The following ABCC9 variants were observed in gnomAD, a reference collection of about 807,000 sequenced individuals.
The protein encoded by ABCC9 is ATP binding cassette subfamily C member 9.
A neutral mutation model predicts 188.3 loss-of-function variants in ABCC9; 95 were observed. The observed-to-expected ratio is 0.50, with a 90% CI of 0.43 to 0.60. ABCC9 has a LOEUF of 0.60. Among genes scored for constraint, ABCC9 ranks in the 20% least tolerant of loss-of-function variants. The pLI, the probability that ABCC9 is intolerant of heterozygous loss-of-function variation, is 0.00. For synonymous variants in ABCC9, 659 were observed against 652.7 expected, an observed-to-expected ratio of 1.01 and a Z score of -0.15; for missense variants, 1,102 against 1,876.3, an observed-to-expected ratio of 0.59 and a Z score of 7.62.
At chr12:21,810,027 T>A (rs1404461904) in intron 36 of ABCC9, 72 bp from the exon 37 acceptor site, 1 of 930,858 alleles carries the variant, frequency 1.1e-6, no homozygotes, top group Non-Finnish European at 1.7e-6. Context: ...TGCTTATTGC[T>A]TTTCTTTCCT....
At chr12:21,842,712 A>C (rs1944457803) in intron 28 of ABCC9, among the ~76,000 whole-genome samples, 1 of 152,246 alleles carries the variant, frequency 6.6e-6, no homozygotes, top group East Asian at 1.9e-4. Flanking sequence ...GTTTTATGTA[A>C]ATGACACTGT....
rs1296631537 is a variant in ABCC9 at position 21,860,286 on chromosome 12, A to G, written c.2425-620T>C. Among the ~76,000 whole-genome samples, 7 of 152,342 alleles carry G rather than the reference A, an allele frequency of 4.6e-5. No individual in the cohort carries two copies. In the South Asian group the frequency reaches 1.4e-3, roughly 32 times the overall value. On this transcript the variant is annotated intron_variant, in intron 21 of 39. Transcript: ENST00000261200. ...ACACTGCGGTATGTAGCAAAAAAGA[A>G]CAGCCATTAAGAACAAAGGCCACAG...
At chr12:21,809,431 A>G (rs1942077641) in intron 37 of ABCC9, among the ~76,000 whole-genome samples, 1 of 152,188 alleles carries the variant, frequency 6.6e-6, no homozygotes, top group South Asian at 2.1e-4. Flanking sequence ...AATGGCTACT[A>G]ATGGGGCAAA....
At chr12:21,928,179 G>A (rs1238816331) in intron 4 of ABCC9, among the ~76,000 whole-genome samples, 2 of 150,002 alleles carry the variant, frequency 1.3e-5, no homozygotes, top group South Asian at 4.3e-4. Flanking sequence ...GAGATCACGC[G>A]GCTGCACTCC....
At chr12:21,894,680 G>A (rs1208900593) in intron 13 of ABCC9, among the ~76,000 whole-genome samples, 1 of 151,960 alleles carries the variant, frequency 6.6e-6, no homozygotes, top group Admixed American at 6.6e-5. Flanking sequence ...CGTGATCATG[G>A]CTCACTGCAG....
chr12:21,901,525 T>C (rs1947749881), intron 12 of ABCC9, among the ~76,000 whole-genome samples: 2 of 151,762 alleles, frequency 1.3e-5, no homozygotes, highest in Admixed American at 6.6e-5. Flanking sequence ...GGATAAAGAG[T>C]CATGACCCAT....
intron 14 of ABCC9, among the ~76,000 whole-genome samples, chr12:21,892,227 T>C (rs1237058597): frequency 1.3e-5 from 2 of 152,098 alleles, no homozygotes; most frequent in Admixed American, 1.3e-4. Context: ...CACGGAATTG[T>C]ATACCATGGA....
rs780071007 is a variant in ABCC9, at chr12:21,882,793, G to A, written c.1992C>T (p.Pro664=). 6.8e-6 allele frequency: 11 copies of A among 1,613,514 alleles called. No homozygotes were observed. The highest frequency in any genetic ancestry group is 2.2e-5 in the East Asian group (1 of 44,868). Residue 664 remains proline (P), a synonymous_variant, in exon 16 of 40, where the codon CCC becomes CCT. Transcript: ENST00000261200. ...TTATTGCAATGTCCTCTGTTTCTGCGGGACGTAGACGCCGTGTTGATTGCT... is the reference window on the plus strand; with the variant it reads ...TTATTGCAATGTCCTCTGTTTCTGCAGGACGTAGACGCCGTGTTGATTGCT... ...SYEQSTRRLR[P]AETEDIAIKV...
intron 18 of ABCC9, chr12:21,869,601 G>C (rs1334219338): frequency 1.3e-5 from 2 of 152,134 alleles, no homozygotes; most frequent in Non-Finnish European, 2.9e-5. Flanking sequence ...GCTTGCACCT[G>C]CATCAGTCAG....
intron 31 of ABCC9, among the ~76,000 whole-genome samples, chr12:21,826,730 T>C (rs934858146): frequency 2.0e-5 from 3 of 152,208 alleles, no homozygotes; most frequent in Non-Finnish European, 2.9e-5. Flanking sequence ...ATAAATACAA[T>C]GGATGGAGGC....
At chr12:21,842,653 C>T (rs1295437012) in intron 28 of ABCC9, among the ~76,000 whole-genome samples, 182 bp from the exon 29 acceptor site, 1 of 152,210 alleles carries the variant, frequency 6.6e-6, no homozygotes, top group Non-Finnish European at 1.5e-5. Context: ...GTCTATTTAT[C>T]TATCAACATG....
chr12:21,863,155 T>C, intron 19 of ABCC9, 101 bp from the exon 20 acceptor site: 1 of 783,860 alleles, frequency 1.3e-6, no homozygotes, highest in Admixed American at 2.6e-5. Context: ...TAGTAAACTA[T>C]CTCAGATACA....
At chr12:21,862,195 G>A (rs980587118) in intron 20 of ABCC9, among the ~76,000 whole-genome samples, 1 of 151,746 alleles carries the variant, frequency 6.6e-6, no homozygotes, top group African/African-American at 2.4e-5. Context: ...TATTCCAACT[G>A]ACTCCTAAAT....
rs375758521 is a variant in ABCC9, at chr12:21,910,939, C to A, written c.1051G>T (p.Ala351Ser). ...TLSSKEFLEN[A>S]YVLAVLLFLA... ...AAGAGAAGAACTGCTAGAACGTAAG[C>A]GTTTTCAAGAAATTCCTTTGATGAG... is the stretch of plus-strand genomic sequence containing the variant. Residue 351 changes from alanine (A) to serine (S), a missense_variant, in exon 9 of 40, where the codon GCT becomes TCT. Ala to Ser is a moderately conservative substitution (Grantham distance 99). Coordinates refer to ENST00000261200, the MANE Select transcript of ABCC9 (RefSeq NM_020297.4). The A allele has an allele frequency of 5.0e-6, 8 of 1,612,098 alleles. No individual in the cohort carries two copies. In the African/African-American group the frequency reaches 1.1e-4, roughly 22 times the overall value.
chr12:21,933,928 A>G lies in ABCC9; in HGVS notation c.143-5T>C, dbSNP rs567252194. ...TTGAGCTTTGGCTCCCCCACCCTGGAAAAGAGAGAAAAGTTAAAAACAAAA... is the reference window on the plus strand; with the variant it reads ...TTGAGCTTTGGCTCCCCCACCCTGGGAAAGAGAGAAAAGTTAAAAACAAAA... On this transcript the variant is annotated splice_polypyrimidine_tract_variant and splice_region_variant and intron_variant, in intron 3 of 39. Transcript: ENST00000261200. The G allele has an allele frequency of 1.9e-6, 3 of 1,613,370 alleles. No homozygotes were observed. The highest frequency in any genetic ancestry group is 2.7e-5 in the African/African-American group (2 of 74,994).
intron 18 of ABCC9, among the ~76,000 whole-genome samples, chr12:21,869,277 C>T (rs1945942484): frequency 6.6e-6 from 1 of 152,168 alleles, no homozygotes; most frequent in African/African-American, 2.4e-5. Context: ...TGCTGGCTGA[C>T]TCCAAAGTAT....
At position 21,907,734 on chromosome 12, in the gene ABCC9, T is replaced by G. The variant is rs79632053; in HGVS notation, c.1455+343A>C. On this transcript the variant is annotated intron_variant, in intron 11 of 39. Coordinates refer to ENST00000261200, the MANE Select transcript of ABCC9 (RefSeq NM_020297.4). The stretch of plus-strand genomic sequence containing the variant: ...CCCTTCACTTGCACCTTGATCCATT[T>G]CTTGCATGTCAATAACTGACGTTCA... Among the ~76,000 whole-genome samples, 714 of 152,156 alleles carry G rather than the reference T, an allele frequency of 4.7e-3. 9 individuals carry two copies. The highest frequency in any genetic ancestry group is 0.016 in the African/African-American group (678 of 41,536).
In ABCC9 at chr12:21,825,559, C is replaced by T. The variant is rs550036576; in HGVS notation, c.3669+3399G>A. Among the ~76,000 whole-genome samples, 8 of 151,692 alleles carry T rather than the reference C, an allele frequency of 5.3e-5. No individual in the cohort carries two copies. The South Asian group carries it at 1.5e-3, about 28-fold the overall frequency. On this transcript the variant is annotated intron_variant, in intron 31 of 39. Coordinates refer to ENST00000261200, the MANE Select transcript of ABCC9 (RefSeq NM_020297.4). ...AACACAGGAACAGAAAACCAAACAT[C>T]GCATGTTCTCACTCATAAGTGGGAG...
Position 21,848,438 on chromosome 12 carries a change from G to A in ABCC9, c.2770-192C>T, listed in dbSNP as rs74999685. 0.021 allele frequency among the ~76,000 whole-genome samples: 3,248 copies of A among 152,214 alleles called. 131 individuals are homozygous for A. Among genetic ancestry groups the A allele is most frequent in the African/African-American group, 0.074 (3,088 of 41,520 alleles). The stretch of plus-strand genomic sequence containing the variant: ...GAACCTTAGACTTGTAGTAAGTGCT[G>A]CAGTGCTCAAAGGTGTGGAGCAGCA... On this transcript the variant is annotated intron_variant, in intron 24 of 39. Transcript: ENST00000261200.
Sources: allele counts gnomAD v4.1 joint callset (sites outside exome capture counted in the v4.1 genomes callset), GRCh38; gene constraint gnomAD v4.1.1; transcripts MANE v1.5; gene names NCBI Gene and HGNC (gene_info 2026-07-23, HGNC 2026-07-21).